The following TMEM161B variants were observed in gnomAD, a reference collection of about 807,000 sequenced individuals.
TMEM161B encodes the protein transmembrane protein 161B.
A neutral mutation model predicts 61.8 loss-of-function variants in TMEM161B; 34 were observed. The ratio of observed to expected loss-of-function variants is 0.55; its 90% confidence interval spans 0.42 to 0.73. The LOEUF is 0.73. Ranked by LOEUF, TMEM161B falls within the 30% of genes least tolerant of loss-of-function variation. The pLI is 0.00. For missense variants in TMEM161B, 456 were observed against 558.5 expected (o/e 0.82, Z 1.85); for synonymous variants, 167 against 192.8 (o/e 0.87, Z 1.11).
intron 1 of TMEM161B, among the ~76,000 whole-genome samples, chr5:88,251,224 A>G (rs1754305819): frequency 6.6e-6 from 1 of 152,122 alleles, no homozygotes; most frequent in Non-Finnish European, 1.5e-5. Context: ...CAGATGAGTC[A>G]TGAATCATGG....
intron 2 of TMEM161B, among the ~76,000 whole-genome samples, chr5:88,239,751 CA>C (rs1244917851): frequency 6.6e-6 from 1 of 151,760 alleles, no homozygotes; most frequent in African/African-American, 2.4e-5. Flanking sequence ...GAGAAGAATA[CA>C]AATAATTTAA....
chr5:88,214,160 G>A (rs1158708836), intron 5 of TMEM161B, among the ~76,000 whole-genome samples: 1 of 152,068 alleles, frequency 6.6e-6, no homozygotes, highest in African/African-American at 2.4e-5. Context: ...ACTTAAACTA[G>A]TCACAGCTTT....
intron 1 of TMEM161B, among the ~76,000 whole-genome samples, chr5:88,263,216 C>G (rs1258209599): frequency 1.3e-5 from 2 of 152,108 alleles, no homozygotes; most frequent in African/African-American, 4.8e-5. Flanking sequence ...GAAGCTTTCC[C>G]TACATGCCCT....
chr5:88,198,910 A>C, intron 10 of TMEM161B, 66 bp downstream of exon 10: 1 of 1,277,948 alleles, frequency 7.8e-7, no homozygotes, highest in South Asian at 1.5e-5. Flanking sequence ...AAAGGAAACC[A>C]ATTTTTTTTT....
chr5:88,222,244 T>G (rs1354197141), intron 4 of TMEM161B, among the ~76,000 whole-genome samples: 1 of 152,124 alleles, frequency 6.6e-6, no homozygotes, highest in Non-Finnish European at 1.5e-5. Context: ...AATTTTTTAA[T>G]TTTTTGTACA....
At chr5:88,194,242 G>A (rs747217412), downstream of TMEM161B, among the ~76,000 whole-genome samples, 1 of 152,018 alleles carries the variant, frequency 6.6e-6, no homozygotes, top group Non-Finnish European at 1.5e-5. Flanking sequence ...AGAACATCTG[G>A]TATTTCATTT....
chr5:88,190,566 A>C (rs1748707279), downstream of TMEM161B, among the ~76,000 whole-genome samples: 1 of 152,194 alleles, frequency 6.6e-6, no homozygotes. Context: ...ATGCCCGCAA[A>C]GGGGCAGATG....
At chr5:88,191,956 CAAAAAAAAAAAA>C (rs1206243754), downstream of TMEM161B, among the ~76,000 whole-genome samples, 12 of 18,064 alleles carry the variant, frequency 6.6e-4, no homozygotes, top group Non-Finnish European at 1.0e-3. Flanking sequence ...GACTCTGTCT[CAAAAAAAAAAAA>C]AAAAAAAAAA....
At chr5:88,202,198 G>C in intron 9 of TMEM161B, 1 of 449,702 alleles carries the variant, frequency 2.2e-6, no homozygotes, top group Non-Finnish European at 4.5e-6. Context: ...AGGAGAGCTG[G>C]AGTTTGAACC....
At chr5:88,241,270 A>G (rs935723674) in intron 1 of TMEM161B, among the ~76,000 whole-genome samples, 9 of 151,904 alleles carry the variant, frequency 5.9e-5, no homozygotes, top group Non-Finnish European at 1.2e-4. Context: ...GTCATTTTAT[A>G]TAAGGGACTT....
intron 1 of TMEM161B, chr5:88,250,569 C>A (rs1754206225): frequency 6.6e-6 from 1 of 152,126 alleles, no homozygotes; most frequent in Admixed American, 6.6e-5. Context: ...TCTGTACAAT[C>A]TAAGGAGAGC....
intron 2 of TMEM161B, among the ~76,000 whole-genome samples, chr5:88,239,231 T>C (rs987145138): frequency 7.9e-5 from 12 of 152,104 alleles, no homozygotes; most frequent in South Asian, 2.1e-4. Flanking sequence ...AAACAGAATA[T>C]GTAACAAGAT....
chr5:88,238,247 C>T (rs1249094276), intron 2 of TMEM161B, among the ~76,000 whole-genome samples: 2 of 151,386 alleles, frequency 1.3e-5, no homozygotes, highest in African/African-American at 4.9e-5. Flanking sequence ...GCGAACTGCA[C>T]TACAATCGGC....
At chr5:88,230,373 C>T (rs1462786946) in intron 2 of TMEM161B, among the ~76,000 whole-genome samples, 3 of 152,018 alleles carry the variant, frequency 2.0e-5, no homozygotes, top group African/African-American at 7.3e-5. Flanking sequence ...ACAGATGAAA[C>T]AAGTTTGGCC....
chr5:88,229,698 T>G lies in TMEM161B; in HGVS notation c.108-1170A>C, dbSNP rs1489146826. 3.4e-5 allele frequency among the ~76,000 whole-genome samples: 5 copies of G among 147,110 alleles called. No homozygotes were observed. In the East Asian group the frequency reaches 9.9e-4, roughly 29 times the overall value. On this transcript the variant is annotated intron_variant, in intron 2 of 11. Coordinates refer to ENST00000296595, the MANE Select transcript of TMEM161B (RefSeq NM_153354.5). Reference sequence around the variant, plus strand: ...TATCTAGTATGCTAGACCCCCCAATTCTTCAATTACAAAAATCTAGATTTT... The same window carrying G: ...TATCTAGTATGCTAGACCCCCCAATGCTTCAATTACAAAAATCTAGATTTT...
downstream of TMEM161B, among the ~76,000 whole-genome samples, chr5:88,185,807 A>G (rs1748331620): frequency 6.6e-6 from 1 of 152,174 alleles, no homozygotes; most frequent in Non-Finnish European, 1.5e-5. Context: ...GAAAAAAGAA[A>G]CCTGGAAAAA....
At chr5:88,216,863 T>C (rs1480701572) in intron 5 of TMEM161B, among the ~76,000 whole-genome samples, 1 of 152,060 alleles carries the variant, frequency 6.6e-6, no homozygotes, top group Non-Finnish European at 1.5e-5. Flanking sequence ...AATTAGTAAG[T>C]AAGTAAATAA....
intron 4 of TMEM161B, 71 bp downstream of exon 4, chr5:88,225,698 A>C (rs572621124): frequency 9.7e-5 from 95 of 982,502 alleles, no homozygotes; most frequent in Non-Finnish European, 1.4e-4. Flanking sequence ...TTAATGATTA[A>C]AATGAAAGTA....
intron 1 of TMEM161B, among the ~76,000 whole-genome samples, chr5:88,246,731 T>C (rs1371484764): frequency 1.3e-5 from 2 of 152,062 alleles, no homozygotes; most frequent in African/African-American, 4.8e-5. Flanking sequence ...TTCTTCATAA[T>C]TTTTAATTAA....
Sources: allele counts gnomAD v4.1 joint callset (sites outside exome capture counted in the v4.1 genomes callset), GRCh38; gene constraint gnomAD v4.1.1; transcripts MANE v1.5; gene names NCBI Gene and HGNC (gene_info 2026-07-23, HGNC 2026-07-21).